The following AGO3 variants were observed in gnomAD, a reference collection of about 807,000 sequenced individuals.
AGO3 encodes argonaute RISC catalytic component 3.
AGO3 carries 16 observed loss-of-function variants against 105.5 expected under a neutral mutation model. That is an observed-to-expected ratio of 0.15 (90% confidence interval 0.10 to 0.23). The LOEUF is 0.23. Among genes scored for constraint, AGO3 ranks in the 10% least tolerant of loss-of-function variants. The probability of loss-of-function intolerance (pLI) is 1.00; values close to 1 mark genes in which losing one functional copy is unlikely to be tolerated. For missense variants in AGO3, 534 were observed against 1,088.0 expected (o/e 0.49, Z 7.16); for synonymous variants, 340 against 367.3 (o/e 0.93, Z 0.85).
chr1:35,965,331 A>T (rs2148768249), intron 2 of AGO3, among the ~76,000 whole-genome samples: 1 of 152,026 alleles, frequency 6.6e-6, no homozygotes, highest in East Asian at 1.9e-4. Flanking sequence ...CTCTACTAAA[A>T]ATACAAAACT....
intron 2 of AGO3, among the ~76,000 whole-genome samples, chr1:35,956,191 T>G (rs1052785351): frequency 7.2e-5 from 11 of 152,074 alleles, no homozygotes; most frequent in Non-Finnish European, 1.5e-4. Context: ...GATGGAAGAT[T>G]TAGAAAAAGA....
At chr1:35,950,826 A>G (rs1646457890) in intron 2 of AGO3, among the ~76,000 whole-genome samples, 1 of 152,230 alleles carries the variant, frequency 6.6e-6, no homozygotes, top group African/African-American at 2.4e-5. Flanking sequence ...ATTCAAAACC[A>G]TTAAATAATG....
In AGO3 at chr1:36,039,936, T is replaced by C; in HGVS notation, c.1989T>C (p.Thr663=). The C allele has an allele frequency of 6.2e-7, 1 of 1,613,946 alleles. No individual in the cohort carries two copies. The highest frequency in any genetic ancestry group is 8.5e-7 in the Non-Finnish European group (1 of 1,179,984). The stretch of plus-strand genomic sequence containing the variant: ...ATAAGTCAACTCGGTTCAAGCCTAC[T>C]CGTATCATCTTTTATCGGGATGGTG... The part of the protein sequence containing the change: ...QFYKSTRFKP[T]RIIFYRDGVS... The change falls in exon 15 of 19, where the codon ACT becomes ACC. Residue 663 remains threonine, a synonymous_variant. Transcript: ENST00000373191.
In AGO3 at chr1:36,071,496, C is replaced by T. The variant is rs571978121; in HGVS notation, c.*15751C>T. 3.3e-5 allele frequency: 5 copies of T among 152,160 alleles called. 1 individual carries two copies. The South Asian group carries it at 1.0e-3, about 31-fold the overall frequency. 9.4% of individuals were successfully genotyped at this position (152,160 alleles called of 1,614,324 possible). On this transcript the variant is annotated 3_prime_UTR_variant, in exon 19 of 19. Coordinates refer to ENST00000373191, the MANE Select transcript of AGO3 (RefSeq NM_024852.4). ...AATCAGAGTAACCTCTTTCTCCATC[C>T]TCCTTTTCCACACTATTCTTGCCAA...
rs1478093443 is a variant in AGO3, at chr1:35,945,978, T to C, written c.191+115T>C. On this transcript the variant is annotated intron_variant, in intron 2 of 18. Coordinates refer to ENST00000373191, the MANE Select transcript of AGO3 (RefSeq NM_024852.4). ...ATGTGTAACAGTTTGACCAAAAACA[T>C]CTGGTAATTTGTTTTAAAACTGATT... 4.6e-6 allele frequency: 5 copies of C among 1,083,626 alleles called. No homozygotes were observed. In the African/African-American group the frequency reaches 6.4e-5, roughly 14 times the overall value. 67.1% of individuals were successfully genotyped at this position (1,083,626 alleles called of 1,614,324 possible). A position where few individuals can be genotyped will look rare whatever the true frequency, so the allele number is the denominator to read the frequency against.
intron 5 of AGO3, among the ~76,000 whole-genome samples, chr1:35,996,830 C>T (rs577404401): frequency 2.6e-5 from 4 of 151,448 alleles, no homozygotes; most frequent in African/African-American, 7.3e-5. Flanking sequence ...TGCAGAACAT[C>T]GTTGGCCGTT....
chr1:36,049,152 G>A (rs1642595009), intron 17 of AGO3, among the ~76,000 whole-genome samples: 1 of 152,186 alleles, frequency 6.6e-6, no homozygotes. Context: ...TAAACATTGA[G>A]CACACATGGA....
chr1:36,038,520 T>G (rs888394310), intron 14 of AGO3, among the ~76,000 whole-genome samples: 25 of 151,940 alleles, frequency 1.6e-4, no homozygotes, highest in South Asian at 8.3e-4. Context: ...CTCCCAAAGT[T>G]CTGGGATTAC....
intron 11 of AGO3, among the ~76,000 whole-genome samples, chr1:36,024,725 C>T (rs1641417100): frequency 6.6e-6 from 1 of 152,114 alleles, no homozygotes; most frequent in African/African-American, 2.4e-5. Context: ...ACTCTGTCAT[C>T]CAGGCTGGAG....
chr1:35,942,205 A>G (rs12031138), intron 1 of AGO3, among the ~76,000 whole-genome samples: 36,021 of 152,150 alleles, frequency 0.24, 7,057 homozygotes, highest in East Asian at 0.69. Context: ...GTCTCTTTTC[A>G]TCTACACTGA....
rs920334999 is a variant in AGO3 at position 36,012,641 on chromosome 1, A to G, written c.1150-989A>G. ...AGCTTTAAGATTTTTAATATTTCCT[A>G]TCAAACTCTACACAAAATAAATTTT... On this transcript the variant is annotated intron_variant, in intron 9 of 18. Transcript: ENST00000373191. 2.0e-5 allele frequency among the ~76,000 whole-genome samples: 3 copies of G among 152,130 alleles called. No homozygotes were observed. The South Asian group carries it at 6.2e-4, about 31-fold the overall frequency.
At chr1:36,037,166 A>T (rs145037882) in intron 14 of AGO3, among the ~76,000 whole-genome samples, 176 of 152,320 alleles carry the variant, frequency 1.2e-3, no homozygotes, top group African/African-American at 3.8e-3. Flanking sequence ...ACAAATAGCC[A>T]ACATTTCGAA....
intron 2 of AGO3, 144 bp downstream of exon 2, chr1:35,946,007 C>A: frequency 1.2e-6 from 1 of 847,280 alleles, no homozygotes; most frequent in Non-Finnish European, 1.7e-6. Flanking sequence ...ACTGATTGTA[C>A]TTCAGGGGTG....
At chr1:35,941,583 TCTC>T (rs1646255566) in intron 1 of AGO3, among the ~76,000 whole-genome samples, 1 of 152,102 alleles carries the variant, frequency 6.6e-6, no homozygotes, top group Admixed American at 6.6e-5. Context: ...CCATCCCAAT[TCTC>T]CTACTTACTA....
intron 11 of AGO3, 94 bp downstream of exon 11, chr1:36,014,142 A>G: frequency 6.6e-7 from 1 of 1,517,682 alleles, no homozygotes; most frequent in East Asian, 2.3e-5. Context: ...CTTAATATGA[A>G]GTATATGTAA....
At chr1:36,021,403 AT>A (rs1205798379) in intron 11 of AGO3, among the ~76,000 whole-genome samples, 1 of 152,214 alleles carries the variant, frequency 6.6e-6, no homozygotes, top group Non-Finnish European at 1.5e-5. Flanking sequence ...CGTAATAACC[AT>A]AATTATGTCT....
At chr1:36,048,195 G>T (rs1442706390) in intron 17 of AGO3, among the ~76,000 whole-genome samples, 1 of 151,930 alleles carries the variant, frequency 6.6e-6, no homozygotes, top group Non-Finnish European at 1.5e-5. Context: ...CCCAGTAGAG[G>T]ATCATGTGAG....
intron 6 of AGO3, among the ~76,000 whole-genome samples, chr1:36,006,411 CAT>C (rs142357827): frequency 1.3e-5 from 2 of 151,504 alleles, no homozygotes; most frequent in Admixed American, 1.3e-4. Flanking sequence ...GTATAAGTAC[CAT>C]ATATATATAT....
chr1:35,991,535 T>TTATATA (rs138153778), intron 5 of AGO3, among the ~76,000 whole-genome samples: 14 of 145,758 alleles, frequency 9.6e-5, no homozygotes, highest in African/African-American at 3.0e-4. Context: ...GGAGCAAATT[T>TTATATA]TATATATATA....
Sources: allele counts gnomAD v4.1 joint callset (sites outside exome capture counted in the v4.1 genomes callset), GRCh38; gene constraint gnomAD v4.1.1; transcripts MANE v1.5; gene names NCBI Gene and HGNC (gene_info 2026-07-23, HGNC 2026-07-21).